TBL1Y: variants seen among roughly 807,000 people sequenced by gnomAD.
The protein encoded by TBL1Y is F-box-like/WD repeat-containing protein TBL1Y.
Under a neutral mutation model 12.0 loss-of-function variants are expected in TBL1Y, and 15 were observed. That is an observed-to-expected ratio of 1.25 (90% CI 0.83 to 1.92). The LOEUF (loss-of-function observed/expected upper bound fraction) is 1.92. Among genes scored for constraint, TBL1Y ranks in the 40% most tolerant of loss-of-function variants. The pLI, the probability that TBL1Y is intolerant of heterozygous loss-of-function variation, is 0.00. For synonymous variants in TBL1Y, 53 were observed against 42.6 expected (o/e 1.24, Z -0.95); for missense variants, 148 against 116.7 (o/e 1.27, Z -1.24).
chrY:7,071,819 G>T lies in TBL1Y; in HGVS notation c.883G>T (p.Gly295Cys), dbSNP rs1426595652. 1 of 392,854 alleles carries T rather than the reference G, an allele frequency of 2.5e-6. No homozygotes were observed. Among genetic ancestry groups the T allele is most frequent in the Non-Finnish European group, 3.6e-6 (1 of 279,043 alleles). Residue 295 changes from glycine (G) to cysteine (C), a missense_variant, in exon 12 of 19, where the codon GGT becomes TGT. Coordinates refer to ENST00000383032, the MANE Select transcript of TBL1Y (RefSeq NM_033284.2). ...NKKGNYVLSA[G>C]VDKTTIIWDA... Reference sequence around the variant, plus strand: ...AAAGGGGAATTATGTTTTGAGTGCTGGTGTAGACAAAGTGAGTATTAGCTT... The same window carrying T: ...AAAGGGGAATTATGTTTTGAGTGCTTGTGTAGACAAAGTGAGTATTAGCTT...
chrY:6,946,228 C>T (rs955051986), intron 2 of TBL1Y, among the ~76,000 whole-genome samples: 6 of 33,637 alleles, frequency 1.8e-4, no homozygotes, highest in African/African-American at 6.9e-4. Context: ...ATCCAAATTT[C>T]AATGGAAAAA....
At position 7,025,060 on chromosome Y, in the gene TBL1Y, C is replaced by T; in HGVS notation, c.-25C>T. The T allele has an allele frequency of 2.5e-6, 1 of 395,368 alleles. No homozygotes were observed. Among genetic ancestry groups the T allele is most frequent in the Non-Finnish European group, 3.6e-6 (1 of 281,678 alleles). On this transcript the variant is annotated 5_prime_UTR_variant, in exon 6 of 19. Transcript: ENST00000383032. ...AGGGTGGTTCCAACTTCATCAATACCTCATCGCCATGAGGTGAGGCTAAGA... is the reference window on the plus strand; with the variant it reads ...AGGGTGGTTCCAACTTCATCAATACTTCATCGCCATGAGGTGAGGCTAAGA...
intron 2 of TBL1Y, among the ~76,000 whole-genome samples, chrY:6,961,889 T>C (rs2124117089): frequency 3.0e-5 from 1 of 33,881 alleles, no homozygotes; most frequent in East Asian, 7.8e-4. Context: ...ATTTTTGAAA[T>C]GCTTTGCTAC....
At chrY:6,993,375 T>A (rs2012386884) in intron 3 of TBL1Y, among the ~76,000 whole-genome samples, 8 of 28,525 alleles carry the variant, frequency 2.8e-4, no homozygotes, top group East Asian at 1.8e-3. Flanking sequence ...CCTTCTTTTT[T>A]AAAAAAAAAA....
At chrY:6,992,817 G>A (rs559629186) in intron 3 of TBL1Y, among the ~76,000 whole-genome samples, 18 of 33,914 alleles carry the variant, frequency 5.3e-4, no homozygotes, top group South Asian at 1.3e-3. Context: ...TCTGCTCTTC[G>A]CTCTTTTCCA....
At chrY:7,003,123 G>A in intron 4 of TBL1Y, among the ~76,000 whole-genome samples, 1 of 33,921 alleles carries the variant, frequency 2.9e-5, no homozygotes, top group Non-Finnish European at 7.3e-5. Flanking sequence ...GACAGAGAGT[G>A]TGGACTAGAA....
chrY:6,998,222 A>G (rs2012423211), intron 4 of TBL1Y, among the ~76,000 whole-genome samples: 1 of 33,729 alleles, frequency 3.0e-5, no homozygotes, highest in Admixed American at 2.7e-4. Flanking sequence ...TTGCATGCAT[A>G]AATTGGGACC....
At chrY:7,065,132 C>A in intron 8 of TBL1Y, among the ~76,000 whole-genome samples, 1 of 32,994 alleles carries the variant, frequency 3.0e-5, no homozygotes, top group Non-Finnish European at 7.4e-5. Context: ...GACTGCATCC[C>A]AACCCAAATC....
chrY:6,977,000 G>A, intron 2 of TBL1Y, among the ~76,000 whole-genome samples: 1 of 33,637 alleles, frequency 3.0e-5, no homozygotes, highest in African/African-American at 1.2e-4. Context: ...TCAGAGGTTC[G>A]TACCTGGAAG....
intron 4 of TBL1Y, among the ~76,000 whole-genome samples, chrY:7,019,838 TGCC>T (rs2012572468): frequency 3.0e-5 from 1 of 33,715 alleles, no homozygotes; most frequent in African/African-American, 1.2e-4. Flanking sequence ...GTTGCCATTG[TGCC>T]TGCTTCTCTG....
intron 2 of TBL1Y, chrY:6,919,152 G>A (rs2011759194): frequency 3.0e-5 from 1 of 33,133 alleles, no homozygotes; most frequent in African/African-American, 1.2e-4. Flanking sequence ...CAAAGTGCTG[G>A]GATCACAGGC....
chrY:7,009,150 G>A lies in TBL1Y; in HGVS notation c.-139-12299G>A. Among the ~76,000 whole-genome samples, 3 of 33,915 alleles carry A rather than the reference G, an allele frequency of 8.8e-5. No homozygotes were observed. The East Asian group carries it at 2.3e-3, about 26-fold the overall frequency. 91.0% of individuals were successfully genotyped at this position (33,915 alleles called of 37,273 possible). On this transcript the variant is annotated intron_variant, in intron 4 of 18. Transcript: ENST00000383032. Reference sequence around the variant, plus strand: ...GTGTTGCATAACAAGAAAGGCCACTGAGGAATCAGAATTCTTACAAGCATG... The same window carrying A: ...GTGTTGCATAACAAGAAAGGCCACTAAGGAATCAGAATTCTTACAAGCATG...
At chrY:7,010,886 G>A in intron 4 of TBL1Y, among the ~76,000 whole-genome samples, 1 of 31,800 alleles carries the variant, frequency 3.1e-5, no homozygotes, top group African/African-American at 1.2e-4. Context: ...CAGAGATTGC[G>A]CCACTTCACA....
intron 4 of TBL1Y, among the ~76,000 whole-genome samples, chrY:7,006,951 A>C: frequency 3.0e-5 from 1 of 33,748 alleles, no homozygotes; most frequent in Non-Finnish European, 7.3e-5. Context: ...TAGAAAAGAG[A>C]AAGGTGGGAT....
rs753737026 is a variant in TBL1Y at position 6,931,567 on chromosome Y, G to A, written c.-266+19395G>A. Among the ~76,000 whole-genome samples the A allele has an allele frequency of 1.8e-4, 6 of 34,128 alleles. No individual in the cohort carries two copies. In the South Asian group the frequency reaches 2.0e-3, roughly 11 times the overall value. 91.6% of individuals were successfully genotyped at this position (34,128 alleles called of 37,273 possible). A position where few individuals can be genotyped will look rare whatever the true frequency, so the allele number is the denominator to read the frequency against. On this transcript the variant is annotated intron_variant, in intron 2 of 18. Coordinates refer to ENST00000383032, the MANE Select transcript of TBL1Y (RefSeq NM_033284.2). ...AATTTTAGCTGGAATAATTGTATGC[G>A]AAGCTTTATAATTGGAAATTTGAAG...
intron 2 of TBL1Y, among the ~76,000 whole-genome samples, chrY:6,939,199 T>C: frequency 3.0e-5 from 1 of 33,601 alleles, no homozygotes. Context: ...TTGGTGCATT[T>C]ACAAACCTTT....
intron 2 of TBL1Y, among the ~76,000 whole-genome samples, chrY:6,944,725 C>T (rs2011973206): frequency 3.0e-5 from 1 of 33,691 alleles, no homozygotes; most frequent in Admixed American, 2.7e-4. Context: ...AACATGGTAG[C>T]ATGTCTCAGA....
chrY:6,963,219 A>C (rs2012143398), intron 2 of TBL1Y, among the ~76,000 whole-genome samples: 2 of 33,312 alleles, frequency 6.0e-5, no homozygotes, highest in East Asian at 1.6e-3. Flanking sequence ...CACACCAACA[A>C]GTCCTGTAAC....
rs765158893 is a variant in TBL1Y at position 6,926,146 on chromosome Y, A to C, written c.-266+13974A>C. ...GAGAAACTATGAAAATGCTCTCTAA[A>C]AATATCCAACAGTTGCAAAAAATAC... On this transcript the variant is annotated intron_variant, in intron 2 of 18. Coordinates refer to ENST00000383032, the MANE Select transcript of TBL1Y (RefSeq NM_033284.2). Among the ~76,000 whole-genome samples the C allele has an allele frequency of 1.3e-3, 44 of 34,321 alleles. No homozygotes were observed. The South Asian group carries it at 0.023, about 18-fold the overall frequency. 92.1% of individuals were successfully genotyped at this position (34,321 alleles called of 37,273 possible).
Sources: allele counts gnomAD v4.1 joint callset (sites outside exome capture counted in the v4.1 genomes callset), GRCh38; gene constraint gnomAD v4.1.1; transcripts MANE v1.5; gene names NCBI Gene and HGNC (gene_info 2026-07-23, HGNC 2026-07-21).